CTTNBP2NL: variants seen among roughly 807,000 people sequenced by gnomAD.
CTTNBP2NL encodes the protein CTTNBP2 N-terminal-like protein.
Under a neutral mutation model 32.5 loss-of-function variants are expected in CTTNBP2NL, and 16 were observed. The observed-to-expected ratio is 0.49, with a 90% CI of 0.33 to 0.75. The LOEUF is 0.75. Ranked by LOEUF, CTTNBP2NL falls within the 30% of genes least tolerant of loss-of-function variation. The pLI is 0.02. For synonymous variants in CTTNBP2NL, 298 were observed against 289.4 expected (o/e 1.03, Z -0.30); for missense variants, 645 against 756.0 (o/e 0.85, Z 1.72).
chr1:112,418,673 C>T (rs534744783), intron 3 of CTTNBP2NL, among the ~76,000 whole-genome samples: 23 of 152,094 alleles, frequency 1.5e-4, no homozygotes, highest in Non-Finnish European at 2.6e-4. Context: ...AATTACATTG[C>T]TCATGAACTG....
rs1650534470 is a variant in CTTNBP2NL, at chr1:112,460,910, T to G, written c.*3498T>G. 1 of 152,178 alleles carries G rather than the reference T, an allele frequency of 6.6e-6. No homozygotes were observed. The highest frequency in any genetic ancestry group is 2.1e-4 in the South Asian group (1 of 4,820). 9.4% of individuals were successfully genotyped at this position (152,178 alleles called of 1,614,324 possible). A position where few individuals can be genotyped will look rare whatever the true frequency, so the allele number is the denominator to read the frequency against. On this transcript the variant is annotated 3_prime_UTR_variant, in exon 6 of 6. Coordinates refer to ENST00000271277, the MANE Select transcript of CTTNBP2NL (RefSeq NM_018704.3). ...ATTTGTGTGTGTGTGTGTGTATGTGTGTGTGTGTGTGAATTCATAAGGAGT... is the reference window on the plus strand; with the variant it reads ...ATTTGTGTGTGTGTGTGTGTATGTGGGTGTGTGTGTGAATTCATAAGGAGT...
At chr1:112,392,080 A>C (rs1334305815), upstream of CTTNBP2NL, among the ~76,000 whole-genome samples, 1 of 152,244 alleles carries the variant, frequency 6.6e-6, no homozygotes, top group Non-Finnish European at 1.5e-5. Flanking sequence ...AATATTCTAT[A>C]AATCAAAATT....
chr1:112,457,067 C>T lies in CTTNBP2NL; in HGVS notation c.1575C>T (p.Asn525=). 6.2e-7 allele frequency: 1 copy of T among 1,614,190 alleles called. No homozygotes were observed. The highest frequency in any genetic ancestry group is 1.3e-5 in the African/African-American group (1 of 75,052). ...QQGPIKPVSP[N]SSPFGTDYRN... is the part of the protein sequence containing the mutation. Reference sequence around the variant, plus strand: ...GGCCAATCAAGCCAGTCTCTCCCAACAGCTCTCCCTTTGGCACAGACTATC... The same window carrying T: ...GGCCAATCAAGCCAGTCTCTCCCAATAGCTCTCCCTTTGGCACAGACTATC... Residue 525 remains asparagine, a synonymous_variant, in exon 6 of 6, where the codon AAC becomes AAT. Coordinates refer to ENST00000271277, the MANE Select transcript of CTTNBP2NL (RefSeq NM_018704.3).
In CTTNBP2NL at chr1:112,412,719, C is replaced by A. The variant is rs184876839; in HGVS notation, c.-10+402C>A. Among the ~76,000 whole-genome samples the A allele has an allele frequency of 3.9e-3, 576 of 146,568 alleles. 5 individuals carry two copies. The highest frequency in any genetic ancestry group is 0.014 in the African/African-American group (541 of 39,580). On this transcript the variant is annotated intron_variant, in intron 2 of 5. Transcript: ENST00000271277. The stretch of plus-strand genomic sequence containing the variant: ...GCCATCTCCACCTCCCAGGTTCAAG[C>A]GATTCTCCTGCCTCAGCCTCCTGAG...
intron 3 of CTTNBP2NL, among the ~76,000 whole-genome samples, chr1:112,441,795 A>G (rs769935129): frequency 6.6e-6 from 1 of 152,020 alleles, no homozygotes; most frequent in African/African-American, 2.4e-5. Context: ...CTGATCCCTA[A>G]TGACTTAGGC....
chr1:112,437,292 G>A (rs1194555171), intron 3 of CTTNBP2NL, among the ~76,000 whole-genome samples: 1 of 152,078 alleles, frequency 6.6e-6, no homozygotes, highest in African/African-American at 2.4e-5. Flanking sequence ...ACCAACATTT[G>A]TTATTTTTTG....
intron 1 of CTTNBP2NL, among the ~76,000 whole-genome samples, chr1:112,407,005 C>G (rs1055037627): frequency 6.6e-6 from 1 of 152,162 alleles, no homozygotes; most frequent in African/African-American, 2.4e-5. Context: ...GTGCACTATT[C>G]ATATTATATT....
intron 1 of CTTNBP2NL, among the ~76,000 whole-genome samples, chr1:112,411,894 G>T (rs1648878952): frequency 6.6e-6 from 1 of 152,126 alleles, no homozygotes; most frequent in African/African-American, 2.4e-5. Context: ...AAGCAAATAG[G>T]TTTTTGTCAT....
chr1:112,442,277 C>T (rs761319950), intron 3 of CTTNBP2NL, among the ~76,000 whole-genome samples: 5 of 152,194 alleles, frequency 3.3e-5, no homozygotes, highest in Admixed American at 6.5e-5. Flanking sequence ...CATGTGCCGC[C>T]ATGCCTGGCT....
At chr1:112,438,313 A>G (rs1649798648) in intron 3 of CTTNBP2NL, among the ~76,000 whole-genome samples, 1 of 152,014 alleles carries the variant, frequency 6.6e-6, no homozygotes, top group Non-Finnish European at 1.5e-5. Context: ...GCGACTGTGA[A>G]TGGGATTGCG....
At chr1:112,400,709 T>C (rs1379598124) in intron 1 of CTTNBP2NL, among the ~76,000 whole-genome samples, 1 of 151,962 alleles carries the variant, frequency 6.6e-6, no homozygotes, top group African/African-American at 2.4e-5. Context: ...GGAGAATGGC[T>C]TTAACCCGGG....
Position 112,416,394 on chromosome 1 carries a change from A to ACCGAGATC in CTTNBP2NL, c.99+130_99+131insCCGAGATC. Reference sequence around the variant, plus strand: ...AATGGAGGACATACTGATACTTGCCATAGGTAGCCACCTACATTGTGTGTT... The same window carrying ACCGAGATC: ...AATGGAGGACATACTGATACTTGCCACCGAGATCTAGGTAGCCACCTACATTGTGTGTT... On this transcript the variant is annotated intron_variant, in intron 3 of 5. Coordinates refer to ENST00000271277, the MANE Select transcript of CTTNBP2NL (RefSeq NM_018704.3). The ACCGAGATC allele has an allele frequency of 5.2e-6, 3 of 578,970 alleles. No individual in the cohort carries two copies. In the South Asian group the frequency reaches 6.7e-5, roughly 13 times the overall value. The allele number at this position is 578,970 out of a possible 1,614,324, so 35.9% of individuals were successfully genotyped here.
intron 4 of CTTNBP2NL, among the ~76,000 whole-genome samples, chr1:112,450,521 A>C (rs1024356732): frequency 6.6e-6 from 1 of 152,092 alleles, no homozygotes; most frequent in African/African-American, 2.4e-5. Flanking sequence ...TTCTCTAAAA[A>C]TCTTCACAAC....
chr1:112,447,636 A>G (rs1403346147), intron 3 of CTTNBP2NL, among the ~76,000 whole-genome samples: 1 of 151,564 alleles, frequency 6.6e-6, no homozygotes, highest in Non-Finnish European at 1.5e-5. Flanking sequence ...TCAGCACTGA[A>G]ATACTTCTGT....
chr1:112,440,365 A>C (rs1259071974), intron 3 of CTTNBP2NL, among the ~76,000 whole-genome samples: 3 of 152,214 alleles, frequency 2.0e-5, no homozygotes, highest in Non-Finnish European at 4.4e-5. Context: ...TTCTGTTAGA[A>C]TTTGCATGTT....
intron 5 of CTTNBP2NL, among the ~76,000 whole-genome samples, chr1:112,454,830 C>T (rs1650318477): frequency 1.3e-5 from 2 of 152,188 alleles, no homozygotes; most frequent in Non-Finnish European, 2.9e-5. Flanking sequence ...ATAGATCCCT[C>T]ACTGTGGGAT....
intron 1 of CTTNBP2NL, among the ~76,000 whole-genome samples, chr1:112,411,060 G>A (rs1648849252): frequency 6.6e-6 from 1 of 152,214 alleles, no homozygotes; most frequent in African/African-American, 2.4e-5. Context: ...ATATTGGGCA[G>A]AAATTGCTGG....
intron 3 of CTTNBP2NL, among the ~76,000 whole-genome samples, chr1:112,440,714 A>G (rs976635482): frequency 2.6e-5 from 4 of 152,248 alleles, no homozygotes; most frequent in Admixed American, 2.0e-4. Context: ...ACTTAACTAT[A>G]TATAACACTT....
intron 1 of CTTNBP2NL, among the ~76,000 whole-genome samples, chr1:112,405,679 TACTTCCTTCTTTTCTTCA>T (rs1463150955): frequency 1.3e-5 from 2 of 152,220 alleles, no homozygotes; most frequent in Non-Finnish European, 2.9e-5. Context: ...GGCATAAGGC[TACTTCCTTCTTTTCTTCA>T]ATATACATAT....
Sources: gnomAD v4.1 joint callset for allele counts (sites outside exome capture counted in the v4.1 genomes callset) on GRCh38, gnomAD v4.1.1 for gene constraint, MANE v1.5 for transcripts, NCBI Gene and HGNC (gene_info 2026-07-23, HGNC 2026-07-21) for gene names.